CAPN9: variants seen among roughly 807,000 people sequenced by gnomAD.
CAPN9 encodes calpain 9.
CAPN9 carries 81 observed loss-of-function variants against 92.8 expected under a neutral mutation model. The ratio of observed to expected loss-of-function variants is 0.87; its 90% CI spans 0.73 to 1.05. CAPN9 has a LOEUF of 1.05. CAPN9 is among the 50% of genes least tolerant of loss of function. The probability of loss-of-function intolerance (pLI) is 0.00; values close to 1 mark genes in which losing one functional copy is unlikely to be tolerated. For missense variants in CAPN9, 848 were observed against 866.2 expected, an observed-to-expected ratio of 0.98 and a Z score of 0.26; for synonymous variants, 304 against 328.0, an observed-to-expected ratio of 0.93 and a Z score of 0.79.
intron 13 of CAPN9, among the ~76,000 whole-genome samples, 160 bp from the exon 14 acceptor site, chr1:230,789,972 G>T (rs2102923359): frequency 6.6e-6 from 1 of 152,308 alleles, no homozygotes; most frequent in South Asian, 2.1e-4. Flanking sequence ...GAGACACATA[G>T]CTGCAGCTAC....
At chr1:230,784,496 A>C (rs1667444862) in intron 11 of CAPN9, among the ~76,000 whole-genome samples, 1 of 152,242 alleles carries the variant, frequency 6.6e-6, no homozygotes, top group Non-Finnish European at 1.5e-5. Flanking sequence ...TGTTACCTGC[A>C]TCCCAGCTGC....
intron 15 of CAPN9, 31 bp from the exon 16 acceptor site, chr1:230,792,394 TG>T: frequency 6.3e-7 from 1 of 1,599,092 alleles, no homozygotes; most frequent in South Asian, 1.1e-5. Flanking sequence ...GTTGAAACAC[TG>T]CTCATGTCTC....
In CAPN9 at chr1:230,801,891, C is replaced by A; in HGVS notation, c.*295C>A. On this transcript the variant is annotated 3_prime_UTR_variant, in exon 20 of 20. Coordinates refer to ENST00000271971, the MANE Select transcript of CAPN9 (RefSeq NM_006615.3). ...ACACTCTACTTTCCTTATTTCCTTC[C>A]ATTAAGAATTACTCAGAGTTCTAAC... 2.2e-6 allele frequency: 1 copy of A among 457,246 alleles called. No individual in the cohort carries two copies. The allele number at this position is 457,246 out of a possible 1,614,324, so 28.3% of individuals were successfully genotyped here. A position where few individuals can be genotyped will look rare whatever the true frequency, so the allele number is the denominator to read the frequency against.
Position 230,747,667 on chromosome 1 carries a change from C to T in CAPN9, c.171C>T (p.Tyr57=), listed in dbSNP as rs1664505529. The change falls in exon 1 of 20, where the codon TAC becomes TAT. Residue 57 remains tyrosine, a synonymous_variant. Transcript: ENST00000271971. Reference sequence around the variant, plus strand: ...CAGCCAGCAATTCCTCCCTGTTCTACAGTGAGAGGCCGCAGATCCCCTTTG... The same window carrying T: ...CAGCCAGCAATTCCTCCCTGTTCTATAGTGAGAGGCCGCAGATCCCCTTTG... The part of the protein sequence containing the change: ...DFPASNSSLF[Y]SERPQIPFVW... 6.2e-7 allele frequency: 1 copy of T among 1,614,076 alleles called. No homozygotes were observed. The highest frequency in any genetic ancestry group is 1.3e-5 in the African/African-American group (1 of 74,936).
At chr1:230,800,302 GAAAGGAAA>G (rs377340366) in intron 19 of CAPN9, among the ~76,000 whole-genome samples, 8,021 of 74,272 alleles carry the variant, frequency 0.11, 641 homozygotes, top group Middle Eastern at 0.16. Flanking sequence ...AAGAAAGAAA[GAAAGGAAA>G]AACAAGAGAG....
intron 13 of CAPN9, among the ~76,000 whole-genome samples, chr1:230,788,320 T>C (rs776714912): frequency 6.6e-6 from 1 of 152,160 alleles, no homozygotes; most frequent in South Asian, 2.1e-4. Context: ...CTATCCTAGC[T>C]CTTTCCACTG....
chr1:230,774,618 G>A lies in CAPN9; in HGVS notation c.940G>A (p.Asp314Asn). ...GCGTCTGTGTCACACTGCTCTGGAT[G>A]ATGGGGAATTCTGGTACCGTGCTTG... ...QKRLCHTALDDGEFWMAFKDF... is the reference protein window; with the variant it reads ...QKRLCHTALDNGEFWMAFKDF... The change falls in exon 8 of 20, where the codon GAT becomes AAT. Residue 314 changes from aspartate (D) to asparagine (N), a missense_variant. Transcript: ENST00000271971. 6.2e-7 allele frequency: 1 copy of A among 1,613,678 alleles called. No homozygotes were observed.
chr1:230,779,540 T>C (rs1363818220), intron 9 of CAPN9, among the ~76,000 whole-genome samples: 1 of 152,086 alleles, frequency 6.6e-6, no homozygotes, highest in African/African-American at 2.4e-5. Flanking sequence ...TTCTTTATAA[T>C]CACAGGAGGG....
chr1:230,798,295 C>A (rs1668476343), intron 19 of CAPN9, 75 bp downstream of exon 19: 1 of 952,780 alleles, frequency 1.0e-6, no homozygotes, highest in Non-Finnish European at 1.7e-6. Context: ...AGATGTTTGC[C>A]GAATGCTTGA....
At position 230,800,231 on chromosome 1, in the gene CAPN9, GAAGAAAGAAAGAAAGAAAGAAAGA is replaced by G. The variant is rs56677043; in HGVS notation, c.2047-1287_2047-1264del. Among the ~76,000 whole-genome samples the G allele has an allele frequency of 2.7e-3, 137 of 51,524 alleles. 1 individual carries two copies. Among genetic ancestry groups the G allele is most frequent in the South Asian group, 0.013 (20 of 1,484 alleles). 33.8% of individuals were successfully genotyped at this position (51,524 alleles called of 152,430 possible). On this transcript the variant is annotated intron_variant, in intron 19 of 19. Transcript: ENST00000271971. The stretch of plus-strand genomic sequence containing the variant: ...AAAAGAAAGAAAAATAAGAAAGAAA[GAAGAAAGAAAGAAAGAAAGAAAGA>G]AAGAAAGAAAGAAAGAAAGAAAGAA...
chr1:230,763,758 A>G (rs1363635664), intron 4 of CAPN9, among the ~76,000 whole-genome samples: 2 of 152,256 alleles, frequency 1.3e-5, no homozygotes, highest in African/African-American at 4.8e-5. Flanking sequence ...CTGTGGTTAA[A>G]TTAATCCTGA....
In CAPN9 at chr1:230,747,546, A is replaced by G; in HGVS notation, c.50A>G (p.Lys17Arg). 1 of 1,614,162 alleles carries G rather than the reference A, an allele frequency of 6.2e-7. No homozygotes were observed. Among genetic ancestry groups the G allele is most frequent in the Non-Finnish European group, 8.5e-7 (1 of 1,180,028 alleles). ...GGGCCTCAGGCACACCCGGTTCCCA[A>G]GGACGCCCGGATCACCCACTCCTCA... ...APGPQAHPVP[K>R]DARITHSSGQ... The change falls in exon 1 of 20, where the codon AAG (lysine) becomes AGG (arginine). Residue 17 changes from lysine to arginine, a missense_variant. Transcript: ENST00000271971.
chr1:230,797,685 C>T (rs1668441004), intron 18 of CAPN9, among the ~76,000 whole-genome samples: 1 of 152,210 alleles, frequency 6.6e-6, no homozygotes, highest in Admixed American at 6.5e-5. Flanking sequence ...CAGGTCACTA[C>T]ACCATGCGGT....
At chr1:230,758,855 A>G (rs1665427103) in intron 2 of CAPN9, among the ~76,000 whole-genome samples, 1 of 152,212 alleles carries the variant, frequency 6.6e-6, no homozygotes, top group Admixed American at 6.5e-5. Context: ...GCCCACACTC[A>G]GTGTGGGCAA....
chr1:230,762,632 T>G, intron 3 of CAPN9, 21 bp from the exon 4 acceptor site: 2 of 1,612,596 alleles, frequency 1.2e-6, no homozygotes, highest in South Asian at 2.2e-5. Context: ...GCATCATTTC[T>G]GTCTTTTTCC....
At chr1:230,777,282 T>A (rs1666864331) in intron 8 of CAPN9, among the ~76,000 whole-genome samples, 1 of 151,502 alleles carries the variant, frequency 6.6e-6, no homozygotes, top group Non-Finnish European at 1.5e-5. Flanking sequence ...ATGTGAGTGA[T>A]CCATTGCCCT....
intron 19 of CAPN9, among the ~76,000 whole-genome samples, chr1:230,800,796 G>T (rs1668681292): frequency 6.6e-6 from 1 of 152,168 alleles, no homozygotes; most frequent in African/African-American, 2.4e-5. Context: ...CCCTTGGTGA[G>T]TCCAGTGTGC....
At chr1:230,800,231 G>GAAGAAAGA (rs56677043) in intron 19 of CAPN9, among the ~76,000 whole-genome samples, 1,565 of 51,270 alleles carry the variant, frequency 0.031, 39 homozygotes, top group East Asian at 0.047. Flanking sequence ...AAGAAAGAAA[G>GAAGAAAGA]AAGAAAGAAA....
At chr1:230,748,463 G>C (rs12091328) in intron 1 of CAPN9, among the ~76,000 whole-genome samples, 13,148 of 152,204 alleles carry the variant, frequency 0.086, 699 homozygotes, top group Middle Eastern at 0.15. Context: ...GTTGCTTTTG[G>C]GCAAGGAGGG....
Sources: allele counts gnomAD v4.1 joint callset (sites outside exome capture counted in the v4.1 genomes callset), GRCh38; gene constraint gnomAD v4.1.1; transcripts MANE v1.5; gene names NCBI Gene and HGNC (gene_info 2026-07-23, HGNC 2026-07-21).